The following SNX14 variants were observed in gnomAD, a reference collection of about 807,000 sequenced individuals.
SNX14 encodes sorting nexin 14.
Under a neutral mutation model 133.8 loss-of-function variants are expected in SNX14, and 93 were observed. The observed-to-expected ratio is 0.70, with a 90% CI of 0.59 to 0.83. SNX14 has a LOEUF of 0.83. Among genes scored for constraint, SNX14 ranks in the 40% least tolerant of loss-of-function variants. The probability of loss-of-function intolerance (pLI) is 0.00; values close to 1 mark genes in which losing one functional copy is unlikely to be tolerated. For synonymous variants in SNX14, 368 were observed against 365.6 expected (o/e 1.01, Z -0.07); for missense variants, 945 against 1,094.9 (o/e 0.86, Z 1.93).
intron 12 of SNX14, among the ~76,000 whole-genome samples, chr6:85,544,166 T>C (rs1057270072): frequency 6.6e-6 from 1 of 152,200 alleles, no homozygotes; most frequent in Non-Finnish European, 1.5e-5. Context: ...ATTTCTATCA[T>C]GAACGCTGCA....
intron 17 of SNX14, 109 bp from the exon 18 acceptor site, chr6:85,533,909 G>A (rs1781030604): frequency 3.6e-6 from 3 of 843,850 alleles, no homozygotes; most frequent in South Asian, 3.8e-5. Flanking sequence ...TAATTTTTAA[G>A]ACCCTGAAAG....
intron 7 of SNX14, among the ~76,000 whole-genome samples, chr6:85,553,704 T>C (rs547819431): frequency 6.0e-4 from 91 of 151,354 alleles, no homozygotes; most frequent in African/African-American, 2.2e-3. Flanking sequence ...GAGAATGGCG[T>C]GAACCCGGGA....
chr6:85,560,586 G>T (rs1176551833), intron 6 of SNX14, among the ~76,000 whole-genome samples: 1 of 152,276 alleles, frequency 6.6e-6, no homozygotes, highest in East Asian at 1.9e-4. Flanking sequence ...AACTGAATAT[G>T]CTAAAAACCA....
Position 85,593,771 on chromosome 6 carries a change from C to T in SNX14, c.-53G>A. The T allele has an allele frequency of 1.9e-6, 3 of 1,599,910 alleles. No homozygotes were observed. Among genetic ancestry groups the T allele is most frequent in the Non-Finnish European group, 1.7e-6 (2 of 1,175,864 alleles). ...CTACTGGCTGAGGCAGAGGTCAAGG[C>T]GACCCCCCATCCACACCTCGCGTCC... On this transcript the variant is annotated 5_prime_UTR_variant, in exon 1 of 29. Coordinates refer to ENST00000314673, the MANE Select transcript of SNX14 (RefSeq NM_153816.6).
chr6:85,576,962 T>G (rs1017862751), intron 1 of SNX14, among the ~76,000 whole-genome samples: 6 of 152,190 alleles, frequency 3.9e-5, no homozygotes, highest in Admixed American at 3.3e-4. Context: ...GAGAATGGCC[T>G]AGACTGGAAA....
At chr6:85,593,130 TGCAAGCTGAGGGGGTGGGAGGTG>T (rs917782069) in intron 1 of SNX14, among the ~76,000 whole-genome samples, 1 of 152,194 alleles carries the variant, frequency 6.6e-6, no homozygotes, top group African/African-American at 2.4e-5. Flanking sequence ...AAGCTTCAGC[TGCAAGCTGAGGGGGTGGGAGGTG>T]GGGAGATGGA....
intron 1 of SNX14, among the ~76,000 whole-genome samples, chr6:85,576,465 T>C (rs1470046093): frequency 6.6e-6 from 1 of 152,210 alleles, no homozygotes; most frequent in Non-Finnish European, 1.5e-5. Flanking sequence ...GGACACCATC[T>C]GAGACAACCT....
intron 12 of SNX14, 71 bp downstream of exon 12, chr6:85,547,041 C>A: frequency 9.6e-7 from 1 of 1,043,148 alleles, no homozygotes; most frequent in East Asian, 2.7e-5. Context: ...AACATCAGAT[C>A]TGATTTAAAA....
At chr6:85,558,167 C>A (rs369941139) in intron 6 of SNX14, 107 bp from the exon 7 acceptor site, 11 of 616,342 alleles carry the variant, frequency 1.8e-5, no homozygotes, top group African/African-American at 7.6e-5. Context: ...TAGAAGTATT[C>A]AGAATCTTTC....
Position 85,505,634 on chromosome 6 carries a change from T to C in SNX14, c.*333A>G. On this transcript the variant is annotated 3_prime_UTR_variant, in exon 29 of 29. Coordinates refer to ENST00000314673, the MANE Select transcript of SNX14 (RefSeq NM_153816.6). ...AGATCTTATTCCTGTTTCTCCATAC[T>C]AGGCATAATTATTTTCAAAGCTATA... 2 of 233,364 alleles carry C rather than the reference T, an allele frequency of 8.6e-6. No individual in the cohort carries two copies. The highest frequency in any genetic ancestry group is 1.5e-3 in the Middle Eastern group (1 of 684). The allele number at this position is 233,364 out of a possible 1,614,324, so 14.5% of individuals were successfully genotyped here. A position where few individuals can be genotyped will look rare whatever the true frequency, so the allele number is the denominator to read the frequency against.
intron 14 of SNX14, among the ~76,000 whole-genome samples, chr6:85,542,490 G>T (rs763213909): frequency 2.0e-5 from 3 of 152,180 alleles, no homozygotes; most frequent in Non-Finnish European, 4.4e-5. Flanking sequence ...CGCCTCCCGG[G>T]TTGATGCCAT....
rs765863759 is a variant in SNX14 at position 85,526,221 on chromosome 6, G to T, written c.2012C>A (p.Pro671Gln). The stretch of plus-strand genomic sequence containing the variant: ...CAGAAGTTGACTATTACTCAGTTCT[G>T]GATGCTGCAGAAGTTTCTTGAATGA... Reference protein sequence around the residue: ...QEYLQKLLQHPELSNSQLLAD... With the variant: ...QEYLQKLLQHQELSNSQLLAD... The change falls in exon 21 of 29, where the codon CCA becomes CAA. Residue 671 changes from proline to glutamine, a missense_variant. Physicochemically the swap from Pro to Gln is moderately conservative, Grantham distance 76 (BLOSUM62 -1). Transcript: ENST00000314673. The T allele has an allele frequency of 1.2e-6, 2 of 1,600,394 alleles. No individual in the cohort carries two copies. The highest frequency in any genetic ancestry group is 1.1e-5 in the South Asian group (1 of 87,696).
intron 1 of SNX14, among the ~76,000 whole-genome samples, chr6:85,579,055 T>C (rs989833770): frequency 1.7e-4 from 26 of 151,956 alleles, no homozygotes; most frequent in Admixed American, 1.6e-3. Context: ...GAAGAATCAT[T>C]TGAACCCAGG....
intron 23 of SNX14, among the ~76,000 whole-genome samples, chr6:85,516,496 C>G (rs1775043820): frequency 6.6e-6 from 1 of 151,924 alleles, no homozygotes. Flanking sequence ...CCAACTCTAT[C>G]AAATATTTAT....
Position 85,593,553 on chromosome 6 carries a change from G to T in SNX14, c.140+26C>A, listed in dbSNP as rs774986666. ...TCTGCACCTTCGGAGAAAAGCCGCC[G>T]CCCAGGCTCCGCGCTGCGGCGTTAC... On this transcript the variant is annotated intron_variant, in intron 1 of 28. Transcript: ENST00000314673. 1.3e-5 allele frequency: 20 copies of T among 1,593,220 alleles called. No homozygotes were observed. In the South Asian group the frequency reaches 2.2e-4, roughly 17 times the overall value.
chr6:85,549,409 T>C (rs2128105016), intron 8 of SNX14, among the ~76,000 whole-genome samples: 1 of 152,272 alleles, frequency 6.6e-6, no homozygotes, highest in South Asian at 2.1e-4. Context: ...AATGTGCATG[T>C]CTTTAAAGGG....
chr6:85,549,990 T>A, intron 7 of SNX14, 111 bp from the exon 8 acceptor site: 2 of 905,808 alleles, frequency 2.2e-6, no homozygotes, highest in Non-Finnish European at 3.2e-6. Flanking sequence ...CTCATGCCTG[T>A]AATCCCAGCA....
chr6:85,557,860 C>A, intron 7 of SNX14, 116 bp downstream of exon 7: 1 of 656,520 alleles, frequency 1.5e-6, no homozygotes, highest in Non-Finnish European at 2.7e-6. Context: ...AGAGAATACT[C>A]TCGCATCAAC....
chr6:85,568,016 A>C (rs1479868873), intron 4 of SNX14: 5 of 152,342 alleles, frequency 3.3e-5, no homozygotes, highest in Non-Finnish European at 5.9e-5. Context: ...ACAGTAATAT[A>C]ATACTTTCAC....
Sources: gnomAD v4.1 joint callset for allele counts (sites outside exome capture counted in the v4.1 genomes callset) on GRCh38, gnomAD v4.1.1 for gene constraint, MANE v1.5 for transcripts, NCBI Gene and HGNC (gene_info 2026-07-23, HGNC 2026-07-21) for gene names.